The following ARK2C variants were observed in gnomAD, a reference collection of about 807,000 sequenced individuals.
ARK2C encodes the protein E3 ubiquitin-protein ligase ARK2C.
chr18:46,357,065 T>A, the ARK2C span, among the ~76,000 whole-genome samples: 1 of 152,238 alleles, frequency 6.6e-6, no homozygotes, highest in South Asian at 2.1e-4. Context: ...GATCTACCTT[T>A]CTGAGGTAGG....
the ARK2C span, among the ~76,000 whole-genome samples, chr18:46,410,967 G>A: frequency 6.6e-6 from 1 of 152,338 alleles, no homozygotes; most frequent in Admixed American, 6.5e-5. Flanking sequence ...CTGTGCATGG[G>A]TGGCAGATGC....
At chr18:46,377,283 T>C in the ARK2C span, among the ~76,000 whole-genome samples, 1 of 152,208 alleles carries the variant, frequency 6.6e-6, no homozygotes. Context: ...AGATTGACAG[T>C]TCATGTCATC....
chr18:46,395,466 T>C, the ARK2C span, among the ~76,000 whole-genome samples: 68 of 152,316 alleles, frequency 4.5e-4, no homozygotes, highest in South Asian at 1.5e-3. Flanking sequence ...ACTACTTCTG[T>C]GCATATATCA....
the ARK2C span, among the ~76,000 whole-genome samples, chr18:46,416,989 G>A: frequency 1.3e-5 from 2 of 152,230 alleles, no homozygotes; most frequent in African/African-American, 4.8e-5. Flanking sequence ...AGCATACAAG[G>A]AGGGGAGAAA....
the ARK2C span, among the ~76,000 whole-genome samples, chr18:46,395,996 A>C: frequency 6.6e-6 from 1 of 152,198 alleles, no homozygotes; most frequent in Non-Finnish European, 1.5e-5. Flanking sequence ...GGCTGGAATG[A>C]CCAGGCAGAC....
At chr18:46,454,241 A>G in the ARK2C span, among the ~76,000 whole-genome samples, 23 of 151,980 alleles carry the variant, frequency 1.5e-4, no homozygotes, top group Non-Finnish European at 2.9e-4. Flanking sequence ...ATCATGAATA[A>G]TGATGGCAAA....
chr18:46,359,958 A>G, the ARK2C span, among the ~76,000 whole-genome samples: 1 of 152,334 alleles, frequency 6.6e-6, no homozygotes, highest in South Asian at 2.1e-4. Context: ...GAACCTGGAA[A>G]AGGATCTTTA....
At chr18:46,427,652 C>T in the ARK2C span, among the ~76,000 whole-genome samples, 9 of 152,250 alleles carry the variant, frequency 5.9e-5, no homozygotes, top group East Asian at 1.9e-4. Flanking sequence ...GCAGCCCCTT[C>T]GAGCCACGGA....
chr18:46,456,763 G>A, the ARK2C span: 2 of 736,420 alleles, frequency 2.7e-6, no homozygotes, highest in East Asian at 5.0e-5. Context: ...ACATTTTGTG[G>A]AAAGAGGAGT....
the ARK2C span, among the ~76,000 whole-genome samples, chr18:46,406,949 C>T: frequency 1.3e-4 from 20 of 152,184 alleles, no homozygotes; most frequent in Admixed American, 1.1e-3. Context: ...TTCCTGAGAT[C>T]ACCCTCATCA....
At chr18:46,435,735 AAGG>A in the ARK2C span, among the ~76,000 whole-genome samples, 1 of 152,206 alleles carries the variant, frequency 6.6e-6, no homozygotes, top group African/African-American at 2.4e-5. Context: ...GGAGAGCAGA[AAGG>A]AGAATTCCGA....
At chr18:46,432,626 T>C in the ARK2C span, among the ~76,000 whole-genome samples, 1 of 152,212 alleles carries the variant, frequency 6.6e-6, no homozygotes, top group Non-Finnish European at 1.5e-5. Flanking sequence ...TAAACAAGTA[T>C]GTTAATTATA....
chr18:46,406,261 G>A, the ARK2C span, among the ~76,000 whole-genome samples: 1 of 152,204 alleles, frequency 6.6e-6, no homozygotes, highest in Non-Finnish European at 1.5e-5. Flanking sequence ...TCCCCAGAGA[G>A]TGGCCACTGT....
the ARK2C span, chr18:46,456,173 T>C: frequency 1.2e-6 from 1 of 807,796 alleles, no homozygotes; most frequent in Non-Finnish European, 2.1e-6. Context: ...GGGTGCTTGT[T>C]TGCTTGTGCA....
the ARK2C span, chr18:46,456,817 C>G: frequency 2.4e-5 from 14 of 585,314 alleles, no homozygotes; most frequent in South Asian, 2.7e-4. Context: ...TGGGGAGGAC[C>G]CACCTCTCCA....
the ARK2C span, among the ~76,000 whole-genome samples, chr18:46,356,377 G>A: frequency 5.9e-5 from 9 of 152,218 alleles, no homozygotes; most frequent in Middle Eastern, 3.4e-3. Context: ...GCAAAATAGC[G>A]CAGGGTCAAA....
At chr18:46,407,430 T>C in the ARK2C span, among the ~76,000 whole-genome samples, 1 of 152,232 alleles carries the variant, frequency 6.6e-6, no homozygotes, top group South Asian at 2.1e-4. Flanking sequence ...TCATCATCAT[T>C]ATTATTATGT....
the ARK2C span, chr18:46,336,157 C>T: frequency 3.0e-6 from 3 of 985,214 alleles, no homozygotes; most frequent in African/African-American, 3.5e-5. Flanking sequence ...TTGGCATTTC[C>T]TCTTAAAACG....
the ARK2C span, among the ~76,000 whole-genome samples, chr18:46,372,006 G>C: frequency 6.6e-6 from 1 of 152,220 alleles, no homozygotes; most frequent in Non-Finnish European, 1.5e-5. Context: ...GCTGACTGTA[G>C]GGTCCTGGAT....
Sources: gnomAD v4.1 joint callset for allele counts (sites outside exome capture counted in the v4.1 genomes callset) on GRCh38, gnomAD v4.1.1 for gene constraint, MANE v1.5 for transcripts, NCBI Gene and HGNC (gene_info 2026-07-23, HGNC 2026-07-21) for gene names.